Variants in SNX10 observed in about 807,000 individuals in gnomAD.
The protein encoded by SNX10 is sorting nexin-10.
SNX10 carries 25 observed loss-of-function variants against 28.5 expected under a neutral mutation model. That is an observed-to-expected ratio of 0.88 (90% CI 0.64 to 1.22). SNX10 has a LOEUF of 1.22. Among genes scored for constraint, SNX10 ranks in the 50% most tolerant of loss-of-function variants. The pLI, the probability that SNX10 is intolerant of heterozygous loss-of-function variation, is 0.00. For synonymous variants in SNX10, 62 were observed against 81.4 expected, an observed-to-expected ratio of 0.76 and a Z score of 1.28; for missense variants, 223 against 242.6, an observed-to-expected ratio of 0.92 and a Z score of 0.54.
chr7:26,307,622 AT>A (rs1257844713), intron 1 of SNX10, among the ~76,000 whole-genome samples: 2 of 143,536 alleles, frequency 1.4e-5, no homozygotes, highest in Non-Finnish European at 3.1e-5. Flanking sequence ...TAATTTTTGC[AT>A]TTTTTTTTGT....
intron 2 of SNX10, among the ~76,000 whole-genome samples, chr7:26,352,060 G>C (rs1258666971): frequency 1.3e-5 from 2 of 152,072 alleles, no homozygotes; most frequent in Non-Finnish European, 2.9e-5. Context: ...AATAATAGGG[G>C]AAGCTGGGTG....
intron 1 of SNX10, among the ~76,000 whole-genome samples, chr7:26,302,286 T>C (rs1219184707): frequency 2.6e-5 from 4 of 152,202 alleles, no homozygotes; most frequent in African/African-American, 9.6e-5. Context: ...TCTCAAGCTG[T>C]GTGGGCCCAG....
At chr7:26,293,676 A>G (rs1212252916) in intron 1 of SNX10, among the ~76,000 whole-genome samples, 1 of 152,172 alleles carries the variant, frequency 6.6e-6, no homozygotes, top group African/African-American at 2.4e-5. Flanking sequence ...AGTCCATTTC[A>G]TTCTCACTTT....
At chr7:26,336,858 A>G (rs954543864) in intron 1 of SNX10, among the ~76,000 whole-genome samples, 2 of 151,972 alleles carry the variant, frequency 1.3e-5, no homozygotes, top group African/African-American at 2.4e-5. Flanking sequence ...TTAGGTTTCC[A>G]TTTTCTTTGA....
At chr7:26,372,125 C>G (rs554985156) in intron 6 of SNX10, 92 bp downstream of exon 6, 1 of 831,912 alleles carries the variant, frequency 1.2e-6, no homozygotes, top group Non-Finnish European at 1.8e-6. Context: ...ACACACTTCA[C>G]TTTTTTGTTG....
intron 1 of SNX10, among the ~76,000 whole-genome samples, chr7:26,310,656 G>A (rs570605786): frequency 1.3e-5 from 2 of 150,670 alleles, no homozygotes; most frequent in South Asian, 2.1e-4. Flanking sequence ...AGCACGAGGG[G>A]ACTGAGGAAG....
chr7:26,348,567 A>G (rs904454141), intron 2 of SNX10, among the ~76,000 whole-genome samples: 1 of 152,232 alleles, frequency 6.6e-6, no homozygotes, highest in African/African-American at 2.4e-5. Flanking sequence ...CAAAGGAGCC[A>G]TGGGCGGAGT....
rs1389633070 is a variant in SNX10, at chr7:26,292,064, T to G, written c.-46T>G. 1 of 151,732 alleles carries G rather than the reference T, an allele frequency of 6.6e-6. No individual in the cohort carries two copies. The highest frequency in any genetic ancestry group is 2.4e-5 in the African/African-American group (1 of 41,378). 9.4% of individuals were successfully genotyped at this position (151,732 alleles called of 1,614,324 possible). On this transcript the variant is annotated 5_prime_UTR_variant, in exon 1 of 7. Transcript: ENST00000338523. ...AGCCCGGCTCGGCCCGGCCCTGCTC[T>G]GTTCTGCCCGGAGGAGCCGCCCGTA...
intron 1 of SNX10, among the ~76,000 whole-genome samples, 156 bp from the exon 2 acceptor site, chr7:26,346,264 C>G (rs971637170): frequency 6.6e-6 from 1 of 151,966 alleles, no homozygotes; most frequent in South Asian, 2.1e-4. Context: ...GTCCTGCCAG[C>G]AGGAGAGGGC....
Position 26,364,212 on chromosome 7 carries a change from A to G in SNX10, c.112-323A>G, listed in dbSNP as rs765418108. On this transcript the variant is annotated intron_variant, in intron 3 of 6. Transcript: ENST00000338523. The surrounding 1 kb of genome is among the most constrained non-coding windows in gnomAD (Gnocchi z 4.9). The stretch of plus-strand genomic sequence containing the variant: ...GAACCTGAGCTCCTACCTGTCATTT[A>G]TATGTTAGGATTTATTTTTTATGAT... The G allele has an allele frequency of 3.9e-6, 2 of 512,666 alleles. No homozygotes were observed. The highest frequency in any genetic ancestry group is 5.1e-6 in the Non-Finnish European group (2 of 391,206). The allele number at this position is 512,666 out of a possible 1,614,324, so 31.8% of individuals were successfully genotyped here.
At chr7:26,321,456 T>C (rs1359527377) in intron 1 of SNX10, among the ~76,000 whole-genome samples, 1 of 152,200 alleles carries the variant, frequency 6.6e-6, no homozygotes, top group Admixed American at 6.5e-5. Context: ...TTTGATTTAC[T>C]TACAGGATCA....
At chr7:26,363,349 A>G (rs562826613) in intron 3 of SNX10, among the ~76,000 whole-genome samples, 43 of 152,360 alleles carry the variant, frequency 2.8e-4, no homozygotes, top group African/African-American at 9.9e-4. Context: ...GAACAGTTTG[A>G]GAGCTAATGC....
chr7:26,335,231 C>T (rs1431600390), intron 1 of SNX10, among the ~76,000 whole-genome samples: 2 of 152,152 alleles, frequency 1.3e-5, no homozygotes, highest in Non-Finnish European at 2.9e-5. Flanking sequence ...TGTCTTTTAT[C>T]TACATCATGG....
At chr7:26,312,571 G>C (rs1786890956) in intron 1 of SNX10, among the ~76,000 whole-genome samples, 1 of 152,096 alleles carries the variant, frequency 6.6e-6, no homozygotes, top group South Asian at 2.1e-4. Context: ...GGATCACAAG[G>C]TCAGGCGTTC....
rs538675725 is a variant in SNX10 at position 26,307,724 on chromosome 7, A to C, written c.-24+15638A>C. On this transcript the variant is annotated intron_variant, in intron 1 of 6. Transcript: ENST00000338523. ...TCTTTATTTTTTAGAGCAGTTTTAG[A>C]TTCACAGCAAAAATGAAAGTACAGA... Among the ~76,000 whole-genome samples the C allele has an allele frequency of 2.0e-5, 3 of 149,080 alleles. No homozygotes were observed. In the East Asian group the frequency reaches 5.9e-4, roughly 29 times the overall value.
At chr7:26,295,144 A>C (rs1786061276) in intron 1 of SNX10, among the ~76,000 whole-genome samples, 1 of 152,198 alleles carries the variant, frequency 6.6e-6, no homozygotes, top group Non-Finnish European at 1.5e-5. Flanking sequence ...GCTAGGCCTC[A>C]GTGATCTTGC....
intron 1 of SNX10, among the ~76,000 whole-genome samples, chr7:26,305,486 C>T (rs1045406639): frequency 2.0e-5 from 3 of 152,192 alleles, no homozygotes; most frequent in Admixed American, 1.3e-4. Flanking sequence ...CTTCCTGCTG[C>T]CCCCGAAGGT....
At chr7:26,298,236 T>A (rs1786187503) in intron 1 of SNX10, among the ~76,000 whole-genome samples, 1 of 151,996 alleles carries the variant, frequency 6.6e-6, no homozygotes, top group South Asian at 2.1e-4. Context: ...AAAGGGCAGA[T>A]GACAAAGGAG....
chr7:26,355,945 T>C (rs1214640769), intron 2 of SNX10, among the ~76,000 whole-genome samples: 1 of 152,186 alleles, frequency 6.6e-6, no homozygotes, highest in Non-Finnish European at 1.5e-5. Context: ...CTCTGAGGGT[T>C]GTTGTAAAGA....
Sources: gnomAD v4.1 joint callset for allele counts (sites outside exome capture counted in the v4.1 genomes callset) on GRCh38, gnomAD v4.1.1 for gene constraint, Gnocchi (gnomAD v3.1) non-coding constraint, MANE v1.5 for transcripts, NCBI Gene and HGNC (gene_info 2026-07-23, HGNC 2026-07-21) for gene names.